CDCA3: variants seen among roughly 807,000 people sequenced by gnomAD.
CDCA3 encodes cell division cycle-associated protein 3.
A neutral mutation model predicts 29.1 loss-of-function variants in CDCA3; 16 were observed. That is an observed-to-expected ratio of 0.55 (90% CI 0.37 to 0.83). The LOEUF is 0.83. CDCA3 is among the 40% of genes least tolerant of loss of function. The probability of loss-of-function intolerance (pLI) is 0.00; values close to 1 mark genes in which losing one functional copy is unlikely to be tolerated. For missense variants in CDCA3, 291 were observed against 327.2 expected (o/e 0.89, Z 0.85); for synonymous variants, 88 against 124.5 (o/e 0.71, Z 1.95).
In CDCA3 at chr12:6,849,283, T is replaced by G. The variant is rs372096058; in HGVS notation, c.651+40A>C. On this transcript the variant is annotated intron_variant, in intron 5 of 5. Coordinates refer to ENST00000538862, the MANE Select transcript of CDCA3 (RefSeq NM_031299.7). The surrounding 1 kb of genome is among the most constrained non-coding windows in gnomAD (Gnocchi z 5.2). ...TAAAAGGGTCTCCCACCCTCTACGT[T>G]GGATATCCTAGTAACAGCTTGCACT... 3.8e-5 allele frequency: 60 copies of G among 1,596,784 alleles called. No homozygotes were observed. The highest frequency in any genetic ancestry group is 5.1e-5 in the Admixed American group (3 of 58,696).
At chr12:6,851,200 T>C (rs1260284927) in intron 1 of CDCA3, 22 bp downstream of exon 1, 1 of 1,311,652 alleles carries the variant, frequency 7.6e-7, no homozygotes, top group African/African-American at 1.5e-5. Context: ...AACTTATTTA[T>C]TAAATTATTC....
downstream of CDCA3, chr12:6,845,863 C>G (rs1283660551): frequency 8.5e-7 from 1 of 1,182,854 alleles, no homozygotes; most frequent in Non-Finnish European, 1.3e-6. Context: ...GCCCTCCCTC[C>G]CCATTCTGTA....
rs1943797335 is a variant in CDCA3, at chr12:6,849,859, C to T, written c.251-1G>A. 1 of 1,520,582 alleles carries T rather than the reference C, an allele frequency of 6.6e-7. No homozygotes were observed. The highest frequency in any genetic ancestry group is 2.2e-5 in the Admixed American group (1 of 46,144). 94.2% of individuals were successfully genotyped at this position (1,520,582 alleles called of 1,614,324 possible). A position where few individuals can be genotyped will look rare whatever the true frequency, so the allele number is the denominator to read the frequency against. On this transcript the variant is annotated splice_acceptor_variant, in intron 3 of 5. Transcript: ENST00000538862. LOFTEE classifies it high-confidence loss of function. The surrounding 1 kb of genome is among the most constrained non-coding windows in gnomAD (Gnocchi z 5.2). ...TGTTTCACCAGTGGGCTTGGGGGGT[C>T]TAGAGGAAGAAAGTGAAGTGAACAG...
downstream of CDCA3, chr12:6,845,777 G>C (rs781804029): frequency 1.2e-6 from 2 of 1,613,918 alleles, no homozygotes; most frequent in South Asian, 2.2e-5. Context: ...GCAATGTCTG[G>C]GACTCCATGA....
chr12:6,850,155 G>A lies in CDCA3; in HGVS notation c.251-297C>T, dbSNP rs1565524608. 3.2e-5 allele frequency: 16 copies of A among 496,036 alleles called. 1 individual carries two copies. The highest frequency in any genetic ancestry group is 5.3e-5 in the Non-Finnish European group (15 of 281,666). 30.7% of individuals were successfully genotyped at this position (496,036 alleles called of 1,614,324 possible). A position where few individuals can be genotyped will look rare whatever the true frequency, so the allele number is the denominator to read the frequency against. ...GCTGGGATCACAGGCCCATGCCACCGTGCTTTTGTGTGTGTGTGTGTGTGT... is the reference window on the plus strand; with the variant it reads ...GCTGGGATCACAGGCCCATGCCACCATGCTTTTGTGTGTGTGTGTGTGTGT... On this transcript the variant is annotated intron_variant, in intron 3 of 5. Coordinates refer to ENST00000538862, the MANE Select transcript of CDCA3 (RefSeq NM_031299.7). The surrounding 1 kb of genome is among the most constrained non-coding windows in gnomAD (Gnocchi z 4.7).
At chr12:6,845,470 C>T (rs1174400297), downstream of CDCA3, 5 of 684,540 alleles carry the variant, frequency 7.3e-6, no homozygotes, top group African/African-American at 7.0e-5. Flanking sequence ...GAGGGACAGG[C>T]AGGGAGGCTG....
chr12:6,850,961 G>C lies in CDCA3; in HGVS notation c.-9C>G. On this transcript the variant is annotated 5_prime_UTR_variant, in exon 2 of 6. Coordinates refer to ENST00000538862, the MANE Select transcript of CDCA3 (RefSeq NM_031299.7). This position sits in a 1 kb window ranked among gnomAD's most constrained non-coding sequence, Gnocchi z 4.7. ...CTCTTGGCTGAGCCCATCTCAACCA[G>C]GAGTTGCAGGGTGGGGGCAAGGGCC... The C allele has an allele frequency of 1.2e-6, 2 of 1,605,994 alleles. No homozygotes were observed. Among genetic ancestry groups the C allele is most frequent in the Non-Finnish European group, 1.7e-6 (2 of 1,178,946 alleles).
downstream of CDCA3, chr12:6,845,310 G>T (rs1304477014): frequency 2.3e-6 from 1 of 428,220 alleles, no homozygotes; most frequent in Non-Finnish European, 4.3e-6. Flanking sequence ...TTCTAGCCGG[G>T]TCACTGCAGG....
downstream of CDCA3, chr12:6,845,570 C>T (rs372484640): frequency 6.3e-7 from 1 of 1,586,124 alleles, no homozygotes; most frequent in Non-Finnish European, 8.6e-7. Flanking sequence ...GACCCACTTG[C>T]CACCCGTGCC....
downstream of CDCA3, chr12:6,845,296 G>A (rs1212766017): frequency 4.2e-5 from 16 of 378,158 alleles, no homozygotes; most frequent in Non-Finnish European, 6.9e-5. Flanking sequence ...ACCTCCGTCC[G>A]CCCTTCTAGC....
downstream of CDCA3, chr12:6,846,944 G>A (rs1555124894): frequency 9.5e-7 from 1 of 1,057,504 alleles, no homozygotes; most frequent in Admixed American, 2.0e-5. Context: ...ACACTCAGCA[G>A]CCCCCTGCCC....
At chr12:6,844,945 A>AT (rs1214245932), downstream of CDCA3, 2 of 152,256 alleles carry the variant, frequency 1.3e-5, no homozygotes, top group East Asian at 3.8e-4. Context: ...CATTGACACA[A>AT]TACTACAGTC....
intron 1 of CDCA3, 55 bp from the exon 2 acceptor site, chr12:6,851,064 C>G: frequency 6.9e-7 from 1 of 1,441,412 alleles, no homozygotes. Context: ...GGACCTTCAA[C>G]CCTAAACCAC....
rs2138011337 is a variant in CDCA3 at position 6,850,973 on chromosome 12, TG to T, written c.-22del. ...CCCATCTCAACCAGGAGTTGCAGGGTGGGGGCAAGGGCCAGCCCGGGACGAG... is the reference window on the plus strand; with the variant it reads ...CCCATCTCAACCAGGAGTTGCAGGGTGGGGCAAGGGCCAGCCCGGGACGAG... On this transcript the variant is annotated 5_prime_UTR_variant, in exon 2 of 6. Coordinates refer to ENST00000538862, the MANE Select transcript of CDCA3 (RefSeq NM_031299.7). The surrounding 1 kb of genome is among the most constrained non-coding windows in gnomAD (Gnocchi z 4.7). 1 of 1,602,956 alleles carries T rather than the reference TG, an allele frequency of 6.2e-7. No homozygotes were observed.
rs781789035 is a variant in CDCA3, at chr12:6,849,389, T to C, written c.585A>G (p.Val195=). 6.2e-7 allele frequency: 1 copy of C among 1,604,492 alleles called. No homozygotes were observed. Among genetic ancestry groups the C allele is most frequent in the South Asian group, 1.1e-5 (1 of 89,546 alleles). Residue 195 remains valine, a synonymous_variant, in exon 5 of 6, where the codon GTA becomes GTG. Transcript: ENST00000538862. The surrounding 1 kb of genome is among the most constrained non-coding windows in gnomAD (Gnocchi z 5.2). The part of the protein sequence containing the change: ...RNRWKPNSSK[V]LGRSPLTILQ... ...GGATGGTGAGGGGGGATCTCCCTAG[T>C]ACCTTGCTGCTGTTTGGTTTCCATC...
chr12:6,846,930 GA>G, downstream of CDCA3: 1 of 1,267,218 alleles, frequency 7.9e-7, no homozygotes, highest in East Asian at 2.4e-5. Context: ...GGAAGGCAGT[GA>G]ACACACTCAG....
rs1943790766 is a variant in CDCA3, at chr12:6,849,704, C to T, written c.405G>A (p.Gln135=). The part of the protein sequence containing the change: ...PLGTQLSVEE[Q]MPPWNQTEFP... ...ACTCAGTCTGGTTCCAAGGTGGCAT[C>T]TGTTCCTCAACAGATAACTGGGTAC... The change falls in exon 4 of 6, where the codon CAG becomes CAA. Residue 135 remains glutamine (Q), a synonymous_variant. Transcript: ENST00000538862. This position sits in a 1 kb window ranked among gnomAD's most constrained non-coding sequence, Gnocchi z 5.2. 1 of 1,614,096 alleles carries T rather than the reference C, an allele frequency of 6.2e-7. No individual in the cohort carries two copies. Among genetic ancestry groups the T allele is most frequent in the Non-Finnish European group, 8.5e-7 (1 of 1,180,008 alleles).
At chr12:6,846,509 A>C (rs1258383546), downstream of CDCA3, 5 of 316,148 alleles carry the variant, frequency 1.6e-5, no homozygotes, top group African/African-American at 1.1e-4. Context: ...AGCTCTTGAC[A>C]GAGAACCCCC....
chr12:6,847,817 G>A (rs1185911928), downstream of CDCA3, among the ~76,000 whole-genome samples: 1 of 152,124 alleles, frequency 6.6e-6, no homozygotes, highest in African/African-American at 2.4e-5. Context: ...GAAAGGGAGG[G>A]ACTGGCACTG....
Sources: allele counts gnomAD v4.1 joint callset (sites outside exome capture counted in the v4.1 genomes callset), GRCh38; gene constraint gnomAD v4.1.1; non-coding constraint Gnocchi (gnomAD v3.1); transcripts MANE v1.5; gene names NCBI Gene and HGNC (gene_info 2026-07-23, HGNC 2026-07-21).